PHACTR1: variants seen among roughly 807,000 people sequenced by gnomAD.
PHACTR1 encodes RPEL repeat containing 1.
PHACTR1 carries 16 observed loss-of-function variants against 69.2 expected under a neutral mutation model. That is an observed-to-expected ratio of 0.23 (90% CI 0.16 to 0.35). The LOEUF (loss-of-function observed/expected upper bound fraction) is 0.35, where lower values mean the gene tolerates loss of function less well. PHACTR1 is among the 10% of genes least tolerant of loss of function. The probability of loss-of-function intolerance (pLI) is 1.00; values close to 1 mark genes in which losing one functional copy is unlikely to be tolerated. For missense variants in PHACTR1, 510 were observed against 734.7 expected (o/e 0.69, Z 3.54); for synonymous variants, 312 against 284.5 (o/e 1.10, Z -0.97).
chr6:13,277,363 C>T (rs1487600702), intron 11 of PHACTR1, among the ~76,000 whole-genome samples: 1 of 152,204 alleles, frequency 6.6e-6, no homozygotes, highest in African/African-American at 2.4e-5. Flanking sequence ...CACACTCTGG[C>T]CTCACCCATG....
chr6:13,261,857 T>G (rs747458964), intron 10 of PHACTR1, among the ~76,000 whole-genome samples: 8 of 151,982 alleles, frequency 5.3e-5, no homozygotes, highest in Non-Finnish European at 1.2e-4. Context: ...AGGAAAAGAA[T>G]GGTAAGGCTA....
intron 5 of PHACTR1, among the ~76,000 whole-genome samples, chr6:13,064,322 C>A (rs994741761): frequency 6.6e-6 from 1 of 151,510 alleles, no homozygotes; most frequent in Admixed American, 6.6e-5. Context: ...GAATAAAAAA[C>A]CACTCTTGGA....
chr6:12,733,007 A>G (rs144249272), intron 3 of PHACTR1, among the ~76,000 whole-genome samples: 1 of 152,330 alleles, frequency 6.6e-6, no homozygotes, highest in East Asian at 1.9e-4. Context: ...CAGAATGCAA[A>G]TAAAATATCT....
At chr6:13,089,272 G>A (rs751752632) in intron 5 of PHACTR1, among the ~76,000 whole-genome samples, 2 of 152,206 alleles carry the variant, frequency 1.3e-5, no homozygotes, top group South Asian at 4.1e-4. Flanking sequence ...TCCCCTGGAA[G>A]CTCTTGGCCA....
At chr6:12,719,861 C>T (rs1235190563) in intron 3 of PHACTR1, among the ~76,000 whole-genome samples, 12 of 152,178 alleles carry the variant, frequency 7.9e-5, no homozygotes, top group Admixed American at 7.9e-4. Flanking sequence ...TGCAAGCCAT[C>T]TCCTTCTCTG....
At chr6:12,859,987 T>TTCATCATCATCATCATCA (rs71552721) in intron 4 of PHACTR1, among the ~76,000 whole-genome samples, 2 of 150,436 alleles carry the variant, frequency 1.3e-5, no homozygotes, top group African/African-American at 4.9e-5. Context: ...GAAGGACATC[T>TTCATCATCATCATCATCA]TCATCATCAT....
At chr6:13,037,406 G>A (rs1229092132) in intron 4 of PHACTR1, among the ~76,000 whole-genome samples, 1 of 152,160 alleles carries the variant, frequency 6.6e-6, no homozygotes, top group Non-Finnish European at 1.5e-5. Flanking sequence ...GAAGCTCATG[G>A]TCTGGTGAAG....
intron 4 of PHACTR1, among the ~76,000 whole-genome samples, chr6:13,047,499 A>G (rs1160036383): frequency 6.6e-6 from 1 of 151,970 alleles, no homozygotes; most frequent in Non-Finnish European, 1.5e-5. Context: ...TAAGGGAGGT[A>G]TATAACCCCT....
chr6:12,797,641 G>C (rs1462061632), intron 4 of PHACTR1, among the ~76,000 whole-genome samples: 1 of 152,096 alleles, frequency 6.6e-6, no homozygotes, highest in South Asian at 2.1e-4. Context: ...TCCCATGGCC[G>C]GTGGAGACTC....
rs1779379838 is a variant in PHACTR1, at chr6:13,278,332, A to C, written c.1509+3A>C. 4 of 1,593,656 alleles carry C rather than the reference A, an allele frequency of 2.5e-6. No individual in the cohort carries two copies. Among genetic ancestry groups the C allele is most frequent in the Non-Finnish European group, 3.4e-6 (4 of 1,169,868 alleles). ...TCAAGAGGAGGCTAACCCGAAAGGT[A>C]GGTGGTTCTCCATGCCAAGAGCTGG... On this transcript the variant is annotated splice_donor_region_variant and intron_variant, in intron 12 of 14. Coordinates refer to ENST00000332995, the MANE Select transcript of PHACTR1 (RefSeq NM_030948.6).
chr6:13,235,492 G>A (rs923168965), intron 10 of PHACTR1, among the ~76,000 whole-genome samples: 1 of 152,224 alleles, frequency 6.6e-6, no homozygotes, highest in Admixed American at 6.5e-5. Flanking sequence ...CTGTCAGGGC[G>A]ACCTCGTGAT....
chr6:12,739,736 A>G (rs1232925948), intron 3 of PHACTR1, among the ~76,000 whole-genome samples: 2 of 152,094 alleles, frequency 1.3e-5, no homozygotes, highest in Non-Finnish European at 2.9e-5. Flanking sequence ...GAGTGTTGCA[A>G]TGTTGCCCAA....
intron 10 of PHACTR1, among the ~76,000 whole-genome samples, chr6:13,256,231 G>A (rs559794273): frequency 6.7e-4 from 102 of 152,378 alleles, no homozygotes; most frequent in African/African-American, 2.4e-3. Context: ...GAGATGCGGG[G>A]AGCAGTGTCC....
intron 3 of PHACTR1, among the ~76,000 whole-genome samples, chr6:12,745,196 C>T (rs564813967): frequency 6.6e-6 from 1 of 152,300 alleles, no homozygotes; most frequent in South Asian, 2.1e-4. Flanking sequence ...CCCTCCGCTT[C>T]TCACCTCCAT....
intron 5 of PHACTR1, among the ~76,000 whole-genome samples, chr6:13,094,893 C>T (rs537438548): frequency 2.0e-5 from 3 of 152,222 alleles, no homozygotes; most frequent in East Asian, 3.9e-4. Flanking sequence ...CAAATTCATA[C>T]GTGGAAGCCC....
intron 4 of PHACTR1, among the ~76,000 whole-genome samples, chr6:12,922,225 G>A (rs750169815): frequency 6.6e-6 from 1 of 152,146 alleles, no homozygotes; most frequent in Non-Finnish European, 1.5e-5. Context: ...GCAAGATCTT[G>A]CTTCCTCATT....
chr6:13,284,333 C>A (rs1323270951), intron 13 of PHACTR1, among the ~76,000 whole-genome samples: 1 of 151,558 alleles, frequency 6.6e-6, no homozygotes, highest in Non-Finnish European at 1.5e-5. Context: ...GCCTGACCAA[C>A]ATGATGAAAC....
chr6:13,249,193 G>A (rs1192525744), intron 10 of PHACTR1, among the ~76,000 whole-genome samples: 1 of 152,140 alleles, frequency 6.6e-6, no homozygotes. Flanking sequence ...CAGGAGATGA[G>A]TGGCGGGAGT....
intron 4 of PHACTR1, among the ~76,000 whole-genome samples, chr6:13,019,458 A>G (rs1800664242): frequency 6.6e-6 from 1 of 152,244 alleles, no homozygotes; most frequent in African/African-American, 2.4e-5. Flanking sequence ...GACCTTGAAC[A>G]GCCAAAAGAC....
Sources: allele counts gnomAD v4.1 joint callset (sites outside exome capture counted in the v4.1 genomes callset), GRCh38; gene constraint gnomAD v4.1.1; transcripts MANE v1.5; gene names NCBI Gene and HGNC (gene_info 2026-07-23, HGNC 2026-07-21).